CSMD2: variants seen among roughly 807,000 people sequenced by gnomAD.
CSMD2 encodes the protein CUB and sushi domain-containing protein 2.
CSMD2 carries 130 observed loss-of-function variants against 398.5 expected under a neutral mutation model. The observed-to-expected ratio is 0.33, with a 90% CI of 0.28 to 0.38. The LOEUF (loss-of-function observed/expected upper bound fraction) is 0.38, where lower values mean the gene tolerates loss of function less well. CSMD2 is among the 10% of genes least tolerant of loss of function. The pLI, the probability that CSMD2 is intolerant of heterozygous loss-of-function variation, is 1.00. For missense variants in CSMD2, 3,829 were observed against 4,764.9 expected (o/e 0.80, Z 5.78); for synonymous variants, 1,828 against 1,908.5 (o/e 0.96, Z 1.10).
intron 58 of CSMD2, among the ~76,000 whole-genome samples, chr1:33,542,395 T>C (rs897770158): frequency 1.3e-5 from 2 of 152,250 alleles, no homozygotes; most frequent in African/African-American, 4.8e-5. Context: ...AGGAATTGGC[T>C]AGAGCCTGAG....
At chr1:33,919,929 A>G (rs975385753) in intron 4 of CSMD2, among the ~76,000 whole-genome samples, 7 of 152,216 alleles carry the variant, frequency 4.6e-5, no homozygotes, top group South Asian at 2.1e-4. Flanking sequence ...AAAAATTCCT[A>G]TCCTCCCAGA....
At chr1:33,930,181 C>T (rs1644265799) in intron 4 of CSMD2, among the ~76,000 whole-genome samples, 1 of 152,212 alleles carries the variant, frequency 6.6e-6, no homozygotes, top group South Asian at 2.1e-4. Flanking sequence ...TGGCTCATAA[C>T]AGGCACTCAA....
At chr1:33,983,910 A>C (rs907891579) in intron 3 of CSMD2, among the ~76,000 whole-genome samples, 30 of 152,076 alleles carry the variant, frequency 2.0e-4, no homozygotes, top group African/African-American at 6.8e-4. Flanking sequence ...CCCAGCACCA[A>C]GGGAGGCCAA....
chr1:33,657,499 G>A (rs1448761694), intron 27 of CSMD2, among the ~76,000 whole-genome samples: 1 of 152,136 alleles, frequency 6.6e-6, no homozygotes, highest in Non-Finnish European at 1.5e-5. Context: ...CCAAAACCCA[G>A]GTAACCAATA....
At chr1:34,118,295 G>A (rs1375884360) in intron 1 of CSMD2, among the ~76,000 whole-genome samples, 2 of 152,058 alleles carry the variant, frequency 1.3e-5, no homozygotes, top group Non-Finnish European at 2.9e-5. Flanking sequence ...TATATAAAAG[G>A]CCCATAGCTA....
chr1:33,719,805 T>C (rs921377273), intron 19 of CSMD2, among the ~76,000 whole-genome samples: 1 of 152,168 alleles, frequency 6.6e-6, no homozygotes, highest in Non-Finnish European at 1.5e-5. Context: ...ACCCCCGAAG[T>C]GAGTCATAAC....
intron 1 of CSMD2, among the ~76,000 whole-genome samples, chr1:34,119,453 C>T (rs566278474): frequency 6.6e-6 from 1 of 152,122 alleles, no homozygotes; most frequent in Admixed American, 6.5e-5. Context: ...TTCTGTGCAG[C>T]AAAGGAAATA....
chr1:33,532,280 T>G (rs1003660595), intron 64 of CSMD2, among the ~76,000 whole-genome samples: 4 of 152,250 alleles, frequency 2.6e-5, no homozygotes, highest in African/African-American at 9.6e-5. Context: ...CCTCATAGGA[T>G]CTTGTGAAGA....
At chr1:33,632,060 T>C (rs1180173197) in intron 32 of CSMD2, among the ~76,000 whole-genome samples, 1 of 152,112 alleles carries the variant, frequency 6.6e-6, no homozygotes, top group Non-Finnish European at 1.5e-5. Context: ...TTAGTATATG[T>C]AAATTTGGCA....
At chr1:33,926,015 C>T (rs994437073) in intron 4 of CSMD2, among the ~76,000 whole-genome samples, 1 of 152,134 alleles carries the variant, frequency 6.6e-6, no homozygotes, top group Admixed American at 6.6e-5. Flanking sequence ...ATAATCCCTC[C>T]CCCATCATAT....
chr1:33,645,360 C>T (rs1158057396), intron 29 of CSMD2, among the ~76,000 whole-genome samples: 2 of 143,758 alleles, frequency 1.4e-5, no homozygotes. Flanking sequence ...CACACACACA[C>T]ACACACACAC....
intron 3 of CSMD2, among the ~76,000 whole-genome samples, chr1:33,942,024 T>C (rs1241594162): frequency 6.6e-6 from 1 of 152,162 alleles, no homozygotes; most frequent in African/African-American, 2.4e-5. Context: ...TGTTTCTCAG[T>C]TCCAAGAACA....
intron 2 of CSMD2, among the ~76,000 whole-genome samples, chr1:34,087,619 A>C (rs1658041561): frequency 1.1e-5 from 1 of 93,338 alleles, no homozygotes; most frequent in Non-Finnish European, 2.2e-5. Context: ...AAGTATAATA[A>C]TAATAATAAT....
chr1:34,153,737 G>A (rs900633751), intron 1 of CSMD2, among the ~76,000 whole-genome samples: 1 of 152,220 alleles, frequency 6.6e-6, no homozygotes, highest in African/African-American at 2.4e-5. Context: ...TGGGGGCCCA[G>A]GATGGATGGA....
chr1:33,781,898 C>G (rs1278352733), intron 12 of CSMD2, among the ~76,000 whole-genome samples: 3 of 148,778 alleles, frequency 2.0e-5, no homozygotes, highest in Non-Finnish European at 4.5e-5. Flanking sequence ...CTCCCCCGCC[C>G]CCTGACCTGG....
intron 25 of CSMD2, among the ~76,000 whole-genome samples, chr1:33,679,290 C>T (rs1644825947): frequency 6.6e-6 from 1 of 151,620 alleles, no homozygotes; most frequent in Non-Finnish European, 1.5e-5. Context: ...CAATCTCCGC[C>T]CCCTGGGTTC....
intron 2 of CSMD2, among the ~76,000 whole-genome samples, chr1:34,055,781 G>C (rs1459802559): frequency 6.6e-6 from 1 of 152,158 alleles, no homozygotes; most frequent in African/African-American, 2.4e-5. Flanking sequence ...ACATAGGCAT[G>C]ATTAATTAAA....
chr1:33,629,693 C>T (rs749981824), intron 32 of CSMD2, among the ~76,000 whole-genome samples: 3 of 151,896 alleles, frequency 2.0e-5, no homozygotes, highest in African/African-American at 4.8e-5. Flanking sequence ...AGTGTTTCTC[C>T]AAATGAGGAA....
chr1:34,035,174 A>T (rs938063624), intron 2 of CSMD2, among the ~76,000 whole-genome samples: 6 of 152,204 alleles, frequency 3.9e-5, no homozygotes, highest in African/African-American at 1.4e-4. Flanking sequence ...TATGAAACAG[A>T]TCACTTGAAT....
Sources: gnomAD v4.1 joint callset for allele counts (sites outside exome capture counted in the v4.1 genomes callset) on GRCh38, gnomAD v4.1.1 for gene constraint, MANE v1.5 for transcripts, NCBI Gene and HGNC (gene_info 2026-07-23, HGNC 2026-07-21) for gene names.